WNT7B: variants seen among roughly 807,000 people sequenced by gnomAD.
WNT7B encodes the protein protein Wnt-7b.
In WNT7B, 19 loss-of-function variants were observed where a neutral mutation model predicts 38.2. That is an observed-to-expected ratio of 0.50 (90% CI 0.35 to 0.73). WNT7B has a LOEUF of 0.73. Among genes scored for constraint, WNT7B ranks in the 30% least tolerant of loss-of-function variants. The pLI, the probability that WNT7B is intolerant of heterozygous loss-of-function variation, is 0.01. For missense variants in WNT7B, 423 were observed against 507.9 expected (o/e 0.83, Z 1.61); for synonymous variants, 243 against 209.3 (o/e 1.16, Z -1.39).
chr22:45,961,480 C>G (rs1242078295), intron 1 of WNT7B, among the ~76,000 whole-genome samples: 6 of 152,188 alleles, frequency 3.9e-5, no homozygotes, highest in Non-Finnish European at 8.8e-5. Context: ...ACCCTCTCCC[C>G]ACTGTGGTTC....
intron 2 of WNT7B, among the ~76,000 whole-genome samples, chr22:45,943,447 G>A (rs1417673309): frequency 6.6e-6 from 1 of 152,238 alleles, no homozygotes; most frequent in Non-Finnish European, 1.5e-5. Flanking sequence ...GAAGGACCTG[G>A]CCTTCCGGGA....
At chr22:45,957,256 G>A (rs1214081857) in intron 1 of WNT7B, among the ~76,000 whole-genome samples, 1 of 129,866 alleles carries the variant, frequency 7.7e-6, no homozygotes, top group East Asian at 3.6e-4. Flanking sequence ...GCATCAAGGT[G>A]TCCACTTGAG....
chr22:45,926,136 G>A (rs971608031), intron 3 of WNT7B: 11 of 985,428 alleles, frequency 1.1e-5, no homozygotes, highest in East Asian at 1.1e-4. Flanking sequence ...CCACATCCTC[G>A]CTTGGCTGGA....
At position 45,939,336 on chromosome 22, in the gene WNT7B, G is replaced by T. The variant is rs570800688; in HGVS notation, c.299-7967C>A. Among the ~76,000 whole-genome samples, 4 of 152,296 alleles carry T rather than the reference G, an allele frequency of 2.6e-5. No individual in the cohort carries two copies. In the South Asian group the frequency reaches 8.3e-4, roughly 32 times the overall value. ...CAGGCGCCCACTTATATATTGTGCA[G>T]AAGTATTCATAGCATCCTTATTTGT... On this transcript the variant is annotated intron_variant, in intron 2 of 3. Coordinates refer to ENST00000339464, the MANE Select transcript of WNT7B (RefSeq NM_058238.3).
chr22:45,959,478 C>G (rs1002081197), intron 1 of WNT7B, among the ~76,000 whole-genome samples: 1 of 152,156 alleles, frequency 6.6e-6, no homozygotes, highest in Non-Finnish European at 1.5e-5. Flanking sequence ...CAAGCTGTGT[C>G]TTTCTGGTGA....
At chr22:45,940,019 T>C (rs908029884) in intron 2 of WNT7B, among the ~76,000 whole-genome samples, 1 of 152,122 alleles carries the variant, frequency 6.6e-6, no homozygotes, top group Non-Finnish European at 1.5e-5. Flanking sequence ...TCTGGGGTGA[T>C]GAAAATGTTC....
At position 45,949,932 on chromosome 22, in the gene WNT7B, C is replaced by G. The variant is rs1434962449; in HGVS notation, c.286G>C (p.Glu96Gln). ...ALGEKTVFGQELRVGSREAAF... is the reference protein window; with the variant it reads ...ALGEKTVFGQQLRVGSREAAF... ...GAGGCGCCCTTACCTACTCGGAGCT[C>G]TTGCCCGAAGACGGTCTTCTCGCCG... is the stretch of plus-strand genomic sequence containing the variant. The change falls in exon 2 of 4, where the codon GAG becomes CAG. Residue 96 changes from glutamate to glutamine, a missense_variant. By Grantham distance (29) the Glu-to-Gln change is conservative. This residue lies in a region of WNT7B where 133 missense variants were observed against 179.8 expected (regional missense o/e 0.74). Coordinates refer to ENST00000339464, the MANE Select transcript of WNT7B (RefSeq NM_058238.3). The G allele has an allele frequency of 3.1e-6, 5 of 1,608,512 alleles. No homozygotes were observed. In the African/African-American group the frequency reaches 6.7e-5, roughly 21 times the overall value.
At chr22:45,968,440 G>C (rs1319000688) in intron 1 of WNT7B, among the ~76,000 whole-genome samples, 3 of 152,188 alleles carry the variant, frequency 2.0e-5, no homozygotes, top group Non-Finnish European at 4.4e-5. Flanking sequence ...GGAAGAGCTG[G>C]GCCTTGGGAC....
At chr22:45,936,996 A>C (rs1170601290) in intron 2 of WNT7B, among the ~76,000 whole-genome samples, 1 of 152,286 alleles carries the variant, frequency 6.6e-6, no homozygotes, top group African/African-American at 2.4e-5. Context: ...TTTTGTTAGA[A>C]AGCCATGGTT....
chr22:45,967,440 G>C (rs1932337363), intron 1 of WNT7B, among the ~76,000 whole-genome samples: 1 of 152,102 alleles, frequency 6.6e-6, no homozygotes, highest in South Asian at 2.1e-4. Flanking sequence ...ACTGCATGTG[G>C]GTCCTAGTTC....
At chr22:45,944,984 T>C (rs1380584413) in intron 2 of WNT7B, among the ~76,000 whole-genome samples, 7 of 152,292 alleles carry the variant, frequency 4.6e-5, no homozygotes, top group Middle Eastern at 3.4e-3. Context: ...CTGTCCCCTA[T>C]GGGTGCAGCA....
At chr22:45,971,567 C>T (rs951494987) in intron 1 of WNT7B, among the ~76,000 whole-genome samples, 6 of 152,212 alleles carry the variant, frequency 3.9e-5, no homozygotes, top group African/African-American at 1.2e-4. Flanking sequence ...CAATGCGCGT[C>T]CTCCTCGCCC....
chr22:45,972,438 C>T (rs2146756424), intron 1 of WNT7B: 3 of 233,088 alleles, frequency 1.3e-5, no homozygotes, highest in Non-Finnish European at 2.5e-5. Context: ...GGGGCAGCGG[C>T]GGGAGCTGGG....
In WNT7B at chr22:45,976,699, A is replaced by G; in HGVS notation, c.56T>C (p.Leu19Pro). The G allele has an allele frequency of 6.2e-7, 1 of 1,609,616 alleles. No individual in the cohort carries two copies. Among genetic ancestry groups the G allele is most frequent in the Non-Finnish European group, 8.5e-7 (1 of 1,177,526 alleles). Residue 19 changes from leucine to proline, a missense_variant, in exon 1 of 4, where the codon CTG (leucine) becomes CCG (proline). By Grantham distance (98) the Leu-to-Pro change is moderately conservative. Coordinates refer to ENST00000339464, the MANE Select transcript of WNT7B (RefSeq NM_058238.3). This position sits in a 1 kb window ranked among gnomAD's most constrained non-coding sequence, Gnocchi z 8.5. ...GGGTACTCACCCGAGCTTCACGTAC[A>G]GGACGCCAAAGCAGAGAAACACGTA... ...IFYVFLCFGV[L>P]YVKLGALSSV...
intron 2 of WNT7B, among the ~76,000 whole-genome samples, chr22:45,937,261 G>C (rs1458144942): frequency 6.6e-6 from 1 of 152,234 alleles, no homozygotes; most frequent in East Asian, 1.9e-4. Context: ...TGAGGGCAAA[G>C]GTCTGGGGGC....
chr22:45,940,931 C>T (rs1470845032), intron 2 of WNT7B, among the ~76,000 whole-genome samples: 1 of 152,234 alleles, frequency 6.6e-6, no homozygotes, highest in Non-Finnish European at 1.5e-5. Flanking sequence ...CAGCAGAGAT[C>T]AGTGATGATG....
At chr22:45,961,290 C>T (rs1375435923) in intron 1 of WNT7B, among the ~76,000 whole-genome samples, 1 of 152,220 alleles carries the variant, frequency 6.6e-6, no homozygotes, top group Non-Finnish European at 1.5e-5. Flanking sequence ...CACCCCAAGG[C>T]TGTTCTGAGT....
chr22:45,939,943 G>C (rs770755374), intron 2 of WNT7B, among the ~76,000 whole-genome samples: 1 of 152,226 alleles, frequency 6.6e-6, no homozygotes, highest in East Asian at 1.9e-4. Flanking sequence ...GAGTTGGAGA[G>C]TTAGACAGCA....
Position 45,976,891 on chromosome 22 carries a change from G to C in WNT7B, c.-137C>G, listed in dbSNP as rs1297647655. ...CTGCGGCTCGGGCGGCCGGCGACGC[G>C]CGGGCACTCGGCGCGCGCTGCCACC... On this transcript the variant is annotated 5_prime_UTR_variant, in exon 1 of 4. Transcript: ENST00000339464. This position sits in a 1 kb window ranked among gnomAD's most constrained non-coding sequence, Gnocchi z 8.5. The C allele has an allele frequency of 2.4e-5, 24 of 1,001,884 alleles. 1 individual carries two copies. The East Asian group carries it at 1.3e-3, about 55-fold the overall frequency. 62.1% of individuals were successfully genotyped at this position (1,001,884 alleles called of 1,614,324 possible).
Sources: allele counts gnomAD v4.1 joint callset (sites outside exome capture counted in the v4.1 genomes callset), GRCh38; gene constraint gnomAD v4.1.1; regional missense constraint gnomAD v4.1.1; non-coding constraint Gnocchi (gnomAD v3.1); transcripts MANE v1.5; gene names NCBI Gene and HGNC (gene_info 2026-07-23, HGNC 2026-07-21).